Variants in ABLIM3 observed in about 807,000 individuals in gnomAD.
The protein encoded by ABLIM3 is actin-binding LIM protein 3.
Under a neutral mutation model 109.5 loss-of-function variants are expected in ABLIM3, and 61 were observed. That is an observed-to-expected ratio of 0.56 (90% CI 0.45 to 0.69). The LOEUF is 0.69. Ranked by LOEUF, ABLIM3 falls within the 30% of genes least tolerant of loss-of-function variation. The pLI is 0.00. For missense variants in ABLIM3, 796 were observed against 889.5 expected (o/e 0.89, Z 1.34); for synonymous variants, 300 against 324.8 (o/e 0.92, Z 0.82).
At chr5:149,208,508 A>T (rs533393235) in intron 6 of ABLIM3, among the ~76,000 whole-genome samples, 1 of 152,034 alleles carries the variant, frequency 6.6e-6, no homozygotes, top group Admixed American at 6.6e-5. Context: ...CCCAAGTGCT[A>T]GCAAAGAAGA....
chr5:149,258,176 G>T (rs1417008961), intron 23 of ABLIM3, 115 bp from the exon 24 acceptor site: 1 of 797,434 alleles, frequency 1.3e-6, no homozygotes. Flanking sequence ...AAGGCACAGG[G>T]TGCCCAGAGG....
chr5:149,231,461 T>C (rs943921809), intron 9 of ABLIM3, among the ~76,000 whole-genome samples: 2 of 152,174 alleles, frequency 1.3e-5, no homozygotes, highest in Non-Finnish European at 1.5e-5. Flanking sequence ...GGCCCCCGGA[T>C]ATCAAGTTGA....
chr5:149,256,737 A>G (rs1754457251), intron 23 of ABLIM3, among the ~76,000 whole-genome samples: 1 of 152,224 alleles, frequency 6.6e-6, no homozygotes, highest in Non-Finnish European at 1.5e-5. Flanking sequence ...TTCAGAAAAT[A>G]AAATAGGTAA....
intron 16 of ABLIM3, 45 bp downstream of exon 16, chr5:149,245,060 G>GCCT: frequency 6.2e-7 from 1 of 1,612,930 alleles, no homozygotes; most frequent in Non-Finnish European, 8.5e-7. Flanking sequence ...TAACACCTGT[G>GCCT]CCAAGGACAC....
At chr5:149,240,978 A>C (rs1194876744) in intron 14 of ABLIM3, among the ~76,000 whole-genome samples, 2 of 152,192 alleles carry the variant, frequency 1.3e-5, no homozygotes, top group Non-Finnish European at 2.9e-5. Context: ...ACCAGCCTCC[A>C]TTAGGACCTC....
At chr5:149,241,526 C>T (rs1037391656) in intron 14 of ABLIM3, among the ~76,000 whole-genome samples, 9 of 152,180 alleles carry the variant, frequency 5.9e-5, no homozygotes, top group East Asian at 1.9e-4. Flanking sequence ...TTTGGGAGGC[C>T]GAGGCGTGTG....
intron 5 of ABLIM3, among the ~76,000 whole-genome samples, chr5:149,206,467 A>C (rs1162665745): frequency 1.3e-5 from 2 of 152,238 alleles, no homozygotes; most frequent in African/African-American, 4.8e-5. Flanking sequence ...TGTGCTAGGC[A>C]AAGGAATAGG....
chr5:149,223,835 A>C (rs1760906536), intron 8 of ABLIM3, among the ~76,000 whole-genome samples: 2 of 152,162 alleles, frequency 1.3e-5, no homozygotes, highest in African/African-American at 4.8e-5. Flanking sequence ...CCAACTTCCC[A>C]TCTGTAAAGA....
chr5:149,253,038 C>T lies in ABLIM3; in HGVS notation c.1938+201C>T, dbSNP rs189796712. On this transcript the variant is annotated intron_variant, in intron 23 of 23. Transcript: ENST00000309868. ...CCAAAACTGTCCCATGCTGTTCCCC[C>T]AAAACTGCCCCATGCTGTTCCCCCA... 3.9e-3 allele frequency among the ~76,000 whole-genome samples: 592 copies of T among 152,230 alleles called. 2 individuals are homozygous for T. Among genetic ancestry groups the T allele is most frequent in the Middle Eastern group, 6.8e-3 (2 of 294 alleles).
intron 13 of ABLIM3, chr5:149,240,381 G>A (rs1752688605): frequency 4.2e-6 from 2 of 475,694 alleles, no homozygotes; most frequent in African/African-American, 1.9e-5. Context: ...GGATGGTTGG[G>A]GAGATAAGAG....
intron 8 of ABLIM3, among the ~76,000 whole-genome samples, chr5:149,221,662 T>C (rs1439968633): frequency 6.6e-6 from 1 of 152,228 alleles, no homozygotes; most frequent in Non-Finnish European, 1.5e-5. Flanking sequence ...AAACCCTTCA[T>C]TTGGGCTTCA....
intron 2 of ABLIM3, among the ~76,000 whole-genome samples, chr5:149,169,683 T>G (rs1253405256): frequency 6.6e-6 from 1 of 152,140 alleles, no homozygotes; most frequent in Non-Finnish European, 1.5e-5. Context: ...GAGTGGCTGC[T>G]GAGAAGCAAC....
chr5:149,152,757 T>A (rs1753550974), intron 2 of ABLIM3, among the ~76,000 whole-genome samples: 1 of 152,104 alleles, frequency 6.6e-6, no homozygotes, highest in Admixed American at 6.5e-5. Context: ...GTCAACAGCA[T>A]GAGCTCTGTA....
At chr5:149,220,621 G>T (rs1327615929) in intron 8 of ABLIM3, 26 of 152,022 alleles carry the variant, frequency 1.7e-4, no homozygotes, top group Admixed American at 1.6e-3. Context: ...CACCAAGTGG[G>T]GACACCAGGA....
intron 6 of ABLIM3, among the ~76,000 whole-genome samples, 166 bp downstream of exon 6, chr5:149,207,300 C>G (rs1181128556): frequency 6.6e-6 from 1 of 152,086 alleles, no homozygotes; most frequent in Non-Finnish European, 1.5e-5. Flanking sequence ...CCCCGTTGGA[C>G]CCTCCCGGGG....
chr5:149,149,558 G>A (rs978635400), intron 2 of ABLIM3, among the ~76,000 whole-genome samples: 1 of 152,136 alleles, frequency 6.6e-6, no homozygotes, highest in Admixed American at 6.5e-5. Flanking sequence ...GGTTGAAAAA[G>A]GGAAGACAGG....
intron 2 of ABLIM3, among the ~76,000 whole-genome samples, chr5:149,153,355 C>A (rs1334152676): frequency 6.6e-5 from 10 of 152,194 alleles, no homozygotes; most frequent in Admixed American, 5.9e-4. Context: ...CTGGTCATTT[C>A]TACCTCCCAA....
chr5:149,178,555 C>A (rs62380148), intron 2 of ABLIM3, among the ~76,000 whole-genome samples: 1 of 152,092 alleles, frequency 6.6e-6, no homozygotes, highest in African/African-American at 2.4e-5. Flanking sequence ...TTAAAGACTG[C>A]TTTAAAGACA....
chr5:149,216,987 G>A lies in ABLIM3; in HGVS notation c.698G>A (p.Cys233Tyr). ...EAGGKHYHPT[C>Y]ARCVRCHQMF... ...GGAGGGAAGCACTACCACCCAACCT[G>A]TGCCAGGTGTGTACGCTGCCACCAG... is the stretch of plus-strand genomic sequence containing the variant. The change falls in exon 8 of 24, where the codon TGT becomes TAT. Residue 233 changes from cysteine (C) to tyrosine (Y), a missense_variant. Cys to Tyr is a radical substitution (Grantham distance 194, BLOSUM62 -2). Transcript: ENST00000309868. 1.2e-6 allele frequency: 2 copies of A among 1,614,164 alleles called. No individual in the cohort carries two copies.
Sources: gnomAD v4.1 joint callset for allele counts (sites outside exome capture counted in the v4.1 genomes callset) on GRCh38, gnomAD v4.1.1 for gene constraint, MANE v1.5 for transcripts, NCBI Gene and HGNC (gene_info 2026-07-23, HGNC 2026-07-21) for gene names.